Variants in EYA1 observed in about 807,000 individuals in gnomAD.
The protein encoded by EYA1 is EYA transcriptional coactivator and phosphatase 1, also known as protein phosphatase EYA1.
In EYA1, 16 loss-of-function variants were observed where a neutral mutation model predicts 82.0. The ratio of observed to expected loss-of-function variants is 0.20; its 90% CI spans 0.13 to 0.30. The LOEUF is 0.30. Ranked by LOEUF, EYA1 falls within the 10% of genes least tolerant of loss-of-function variation. The pLI is 1.00. For missense variants in EYA1, 633 were observed against 730.7 expected, an observed-to-expected ratio of 0.87 and a Z score of 1.54; for synonymous variants, 261 against 264.4, an observed-to-expected ratio of 0.99 and a Z score of 0.12.
chr8:71,393,790 A>T, intron 2 of EYA1, among the ~76,000 whole-genome samples: 1 of 152,126 alleles, frequency 6.6e-6, no homozygotes, highest in East Asian at 1.9e-4. Context: ...ATGATTTATA[A>T]TCCTTTGGGT....
chr8:71,275,338 A>G (rs1419485789), intron 9 of EYA1, among the ~76,000 whole-genome samples: 1 of 152,198 alleles, frequency 6.6e-6, no homozygotes, highest in East Asian at 1.9e-4. Context: ...GGGACTTAGG[A>G]GGAAGAAGGC....
chr8:71,387,162 T>G (rs1829014830), intron 2 of EYA1, among the ~76,000 whole-genome samples: 1 of 152,170 alleles, frequency 6.6e-6, no homozygotes, highest in African/African-American at 2.4e-5. Context: ...GAAAAGATTT[T>G]GGGAGCACAG....
At chr8:71,530,037 A>G (rs903019367) in intron 2 of EYA1, 1 of 152,216 alleles carries the variant, frequency 6.6e-6, no homozygotes, top group Non-Finnish European at 1.5e-5. Context: ...TCCAGAAACA[A>G]TAAGTAGAAA....
At chr8:71,408,266 T>A (rs961837173) in intron 2 of EYA1, among the ~76,000 whole-genome samples, 10 of 151,864 alleles carry the variant, frequency 6.6e-5, no homozygotes, top group Admixed American at 1.3e-4. Flanking sequence ...CGCTGCAAAA[T>A]CATGCCAAAA....
chr8:71,438,602 G>T (rs1197913362), intron 2 of EYA1, among the ~76,000 whole-genome samples: 1 of 152,118 alleles, frequency 6.6e-6, no homozygotes, highest in Non-Finnish European at 1.5e-5. Flanking sequence ...AATGATAGGT[G>T]ATGCCTTCAT....
At chr8:71,430,448 C>A (rs1438949848) in intron 2 of EYA1, among the ~76,000 whole-genome samples, 1 of 152,018 alleles carries the variant, frequency 6.6e-6, no homozygotes, top group Non-Finnish European at 1.5e-5. Context: ...TCCAGCAGGA[C>A]AATAGAGTAA....
intron 2 of EYA1, among the ~76,000 whole-genome samples, chr8:71,515,976 C>A (rs1028356547): frequency 3.3e-5 from 5 of 152,024 alleles, no homozygotes; most frequent in African/African-American, 9.7e-5. Context: ...CTAAGTATAT[C>A]CTTACTTTGA....
intron 7 of EYA1, among the ~76,000 whole-genome samples, chr8:71,314,403 G>A (rs936962749): frequency 2.0e-5 from 3 of 151,994 alleles, no homozygotes; most frequent in African/African-American, 7.2e-5. Context: ...CATCATTTTG[G>A]CAAGTTAATT....
chr8:71,363,342 CTAA>C (rs1464821616), upstream of EYA1, among the ~76,000 whole-genome samples: 1 of 152,044 alleles, frequency 6.6e-6, no homozygotes, highest in Non-Finnish European at 1.5e-5. Flanking sequence ...TAAAAAGCTG[CTAA>C]TGACCAAAAT....
chr8:71,465,344 C>A (rs73298385), intron 2 of EYA1, among the ~76,000 whole-genome samples: 1 of 152,098 alleles, frequency 6.6e-6, no homozygotes, highest in Non-Finnish European at 1.5e-5. Context: ...AAGAAGAGGC[C>A]GGGTGTGGTA....
chr8:71,306,708 C>A (rs1820778767), intron 7 of EYA1, among the ~76,000 whole-genome samples: 1 of 152,138 alleles, frequency 6.6e-6, no homozygotes, highest in Non-Finnish European at 1.5e-5. Flanking sequence ...AAGGCCTCAC[C>A]CAAGTCTCAT....
rs192467805 is a variant in EYA1 at position 71,339,871 on chromosome 8, A to G, written c.125-5697T>C. Reference sequence around the variant, plus strand: ...CTCCCCCATGTATTGCTTTTTCTCCAGGTTTTCTTCCTTTGACTACTCTGT... The same window carrying G: ...CTCCCCCATGTATTGCTTTTTCTCCGGGTTTTCTTCCTTTGACTACTCTGT... On this transcript the variant is annotated intron_variant, in intron 3 of 17. Transcript: ENST00000340726. Among the ~76,000 whole-genome samples, 548 of 152,162 alleles carry G rather than the reference A, an allele frequency of 3.6e-3. 2 individuals are homozygous for G. Among genetic ancestry groups the G allele is most frequent in the African/African-American group, 0.012 (495 of 41,514 alleles).
chr8:71,468,720 A>G (rs1160606822), intron 2 of EYA1, among the ~76,000 whole-genome samples: 1 of 152,018 alleles, frequency 6.6e-6, no homozygotes, highest in Non-Finnish European at 1.5e-5. Flanking sequence ...CAATACATTC[A>G]ATGCCCAGTA....
Position 71,199,239 on chromosome 8 carries a change from A to G in EYA1, c.*101T>C. 1 of 840,630 alleles carries G rather than the reference A, an allele frequency of 1.2e-6. No homozygotes were observed. The highest frequency in any genetic ancestry group is 1.4e-5 in the South Asian group (1 of 69,764). The allele number at this position is 840,630 out of a possible 1,614,324, so 52.1% of individuals were successfully genotyped here. ...CAGCAACTGCGCATCACCAGGCGGA[A>G]ATTGCTAAGTTCTGGAGGCCGGCGC... On this transcript the variant is annotated 3_prime_UTR_variant, in exon 18 of 18. Transcript: ENST00000340726.
rs752326977 is a variant in EYA1 at position 71,317,601 on chromosome 8, G to A, written c.507C>T (p.Ser169=). The change falls in exon 7 of 18, where the codon AGC becomes AGT. Residue 169 remains serine (S), a synonymous_variant. Coordinates refer to ENST00000340726, the MANE Select transcript of EYA1 (RefSeq NM_000503.6). ...CCTGTCCAGGTTGAGGGGTACTGAA[G>A]CTTGTGCCATAGCTGAGAAATCCTG... ...GQTGFLSYGT[S]FSTPQPGQAP... is the part of the protein sequence containing the mutation. The A allele has an allele frequency of 1.2e-6, 2 of 1,614,106 alleles. No individual in the cohort carries two copies. The highest frequency in any genetic ancestry group is 1.7e-6 in the Non-Finnish European group (2 of 1,179,982).
chr8:71,364,965 TATATATATATATATATATATAC>T (rs1370543296), upstream of EYA1, among the ~76,000 whole-genome samples: 2 of 131,568 alleles, frequency 1.5e-5, no homozygotes, highest in Admixed American at 7.4e-5. Flanking sequence ...TATATATATA[TATATATATATATATATATATAC>T]ATATACACAC....
chr8:71,201,604 T>C (rs1465398982), intron 17 of EYA1, among the ~76,000 whole-genome samples: 1 of 152,218 alleles, frequency 6.6e-6, no homozygotes, highest in Non-Finnish European at 1.5e-5. Context: ...CTTATCCTAC[T>C]ACACAAAGGT....
intron 7 of EYA1, among the ~76,000 whole-genome samples, chr8:71,316,727 G>T (rs138345880): frequency 2.0e-5 from 3 of 152,114 alleles, no homozygotes; most frequent in Non-Finnish European, 4.4e-5. Flanking sequence ...GATCATCAGG[G>T]ATTTAATTCA....
intron 4 of EYA1, among the ~76,000 whole-genome samples, chr8:71,332,559 A>G (rs867947537): frequency 1.3e-5 from 2 of 152,164 alleles, no homozygotes; most frequent in African/African-American, 2.4e-5. Context: ...CAGGTCTTCA[A>G]TATTTCTTGC....
Sources: gnomAD v4.1 joint callset for allele counts (sites outside exome capture counted in the v4.1 genomes callset) on GRCh38, gnomAD v4.1.1 for gene constraint, MANE v1.5 for transcripts, NCBI Gene and HGNC (gene_info 2026-07-23, HGNC 2026-07-21) for gene names.